Variants in CLN6 observed in about 807,000 individuals in gnomAD.
CLN6 encodes the protein CLN6 transmembrane ER protein, also known as ceroid-lipofuscinosis neuronal protein 6.
Under a neutral mutation model 33.3 loss-of-function variants are expected in CLN6, and 22 were observed. The observed-to-expected ratio is 0.66, with a 90% CI of 0.47 to 0.94. The LOEUF (loss-of-function observed/expected upper bound fraction) is 0.94, where lower values mean the gene tolerates loss of function less well. CLN6 is among the 40% of genes least tolerant of loss of function. The pLI is 0.00. For missense variants in CLN6, 387 were observed against 417.1 expected (o/e 0.93, Z 0.63); for synonymous variants, 201 against 174.6 (o/e 1.15, Z -1.19).
chr15:68,234,116 T>C (rs1286600725), upstream of CLN6, among the ~76,000 whole-genome samples: 1 of 152,180 alleles, frequency 6.6e-6, no homozygotes, highest in African/African-American at 2.4e-5. The surrounding 1 kb of genome is among the most constrained non-coding windows in gnomAD (Gnocchi z 4.1). Flanking sequence ...CCTCAGGAAC[T>C]GAGAATGGTG....
intron 2 of CLN6, chr15:68,218,171 G>GT (rs1314006962): frequency 1.5e-5 from 4 of 273,016 alleles, no homozygotes; most frequent in African/African-American, 8.7e-5. Flanking sequence ...GGAGACGGAG[G>GT]TGGGGGTGCG....
upstream of CLN6, chr15:68,229,814 T>G: frequency 1.1e-5 from 2 of 174,188 alleles, no homozygotes; most frequent in Non-Finnish European, 2.1e-5. Context: ...CGGGCTCCGC[T>G]AGGGGAGGGC....
Position 68,211,878 on chromosome 15 carries a change from G to A in CLN6, c.298-15C>T, listed in dbSNP as rs368661456. 322 of 1,612,266 alleles carry A rather than the reference G, an allele frequency of 2.0e-4. No homozygotes were observed. The highest frequency in any genetic ancestry group is 2.6e-4 in the Non-Finnish European group (306 of 1,179,620). On this transcript the variant is annotated splice_polypyrimidine_tract_variant and intron_variant, in intron 3 of 6. Transcript: ENST00000249806. The surrounding 1 kb of genome is among the most constrained non-coding windows in gnomAD (Gnocchi z 5.9). The stretch of plus-strand genomic sequence containing the variant: ...CGCTCGATGAGCTGGGGTTCAGAGT[G>A]GGGTTGGCAGCATGACCCCACCTCT...
chr15:68,240,965 CAGA>C (rs1333784937), intron 1 of CLN6, among the ~76,000 whole-genome samples: 17 of 137,458 alleles, frequency 1.2e-4, no homozygotes, highest in African/African-American at 4.7e-4. Flanking sequence ...GCCTGGGCGA[CAGA>C]AGGAGCCTCC....
chr15:68,208,050 C>T lies in CLN6; in HGVS notation c.*90G>A, dbSNP rs1447999842. The T allele has an allele frequency of 2.8e-6, 4 of 1,428,894 alleles. No homozygotes were observed. The highest frequency in any genetic ancestry group is 1.4e-5 in the African/African-American group (1 of 70,534). The allele number at this position is 1,428,894 out of a possible 1,614,324, so 88.5% of individuals were successfully genotyped here. ...CACTCATGCTCTCGGTCTCTGGTTACACACCCACACCCCCCCTACTCCTGT... is the reference window on the plus strand; with the variant it reads ...CACTCATGCTCTCGGTCTCTGGTTATACACCCACACCCCCCCTACTCCTGT... On this transcript the variant is annotated 3_prime_UTR_variant, in exon 7 of 7. Coordinates refer to ENST00000249806, the MANE Select transcript of CLN6 (RefSeq NM_017882.3). This position sits in a 1 kb window ranked among gnomAD's most constrained non-coding sequence, Gnocchi z 5.8.
Position 68,256,951 on chromosome 15 carries a change from G to C in CLN6, c.-83C>G. On this transcript the variant is annotated 5_prime_UTR_variant, in exon 1 of 7. Transcript: ENST00000538696. The surrounding 1 kb of genome is among the most constrained non-coding windows in gnomAD (Gnocchi z 4.1). ...ACCGCGTCGTGGGGCAGGGTGTAGT[G>C]ATGGTCACGCATCCCTTCCCTGGGC... 1 of 598,558 alleles carries C rather than the reference G, an allele frequency of 1.7e-6. No individual in the cohort carries two copies. Among genetic ancestry groups the C allele is most frequent in the South Asian group, 1.9e-5 (1 of 51,336 alleles). The allele number at this position is 598,558 out of a possible 1,614,324, so 37.1% of individuals were successfully genotyped here. A position where few individuals can be genotyped will look rare whatever the true frequency, so the allele number is the denominator to read the frequency against.
At chr15:68,249,920 G>A (rs1178990638) in intron 1 of CLN6, among the ~76,000 whole-genome samples, 3 of 152,038 alleles carry the variant, frequency 2.0e-5, no homozygotes, top group Non-Finnish European at 4.4e-5. Flanking sequence ...TTACAGGTGC[G>A]AACCATCAGG....
chr15:68,213,855 G>T, intron 3 of CLN6: 1 of 226,478 alleles, frequency 4.4e-6, no homozygotes, highest in Non-Finnish European at 8.9e-6. Flanking sequence ...CTCCAGGGCA[G>T]AGGATGGAGT....
chr15:68,208,480 T>C lies in CLN6; in HGVS notation c.666-70A>G. On this transcript the variant is annotated intron_variant, in intron 6 of 6. Transcript: ENST00000249806. This position sits in a 1 kb window ranked among gnomAD's most constrained non-coding sequence, Gnocchi z 5.8. ...GTCCTGCCTGGCATCCCTTCCTGTGTGCGAGAGCCAGGCTGCCCTCCAGGC... is the reference window on the plus strand; with the variant it reads ...GTCCTGCCTGGCATCCCTTCCTGTGCGCGAGAGCCAGGCTGCCCTCCAGGC... The C allele has an allele frequency of 6.3e-7, 1 of 1,578,328 alleles. No individual in the cohort carries two copies. The highest frequency in any genetic ancestry group is 1.1e-5 in the South Asian group (1 of 88,728).
In CLN6 at chr15:68,228,759, T is replaced by G. The variant is rs987867637; in HGVS notation, c.83+743A>C. Among the ~76,000 whole-genome samples the G allele has an allele frequency of 6.6e-6, 1 of 152,108 alleles. No individual in the cohort carries two copies. The highest frequency in any genetic ancestry group is 1.5e-5 in the Non-Finnish European group (1 of 68,020). ...GTCTCTCCTGATCCCTACAGGACCG[T>G]AAGCCTCTCCCACCTTCACCCTGCC... On this transcript the variant is annotated intron_variant, in intron 1 of 6. Coordinates refer to ENST00000249806, the MANE Select transcript of CLN6 (RefSeq NM_017882.3). This position sits in a 1 kb window ranked among gnomAD's most constrained non-coding sequence, Gnocchi z 4.4.
rs1567107563 is a variant in CLN6 at position 68,256,334 on chromosome 15, C to G, written c.179+356G>C. ...ATGTTGGCCAGGCTGGTTGAGAACT[C>G]CTGACCTCAAGTGATCCGCCTGCCT... On this transcript the variant is annotated intron_variant, in intron 1 of 6. Transcript: ENST00000538696. The surrounding 1 kb of genome is among the most constrained non-coding windows in gnomAD (Gnocchi z 4.1). Among the ~76,000 whole-genome samples the G allele has an allele frequency of 6.6e-6, 1 of 151,718 alleles. No homozygotes were observed. The highest frequency in any genetic ancestry group is 1.5e-5 in the Non-Finnish European group (1 of 67,904).
At chr15:68,212,879 T>C (rs2093210142) in intron 3 of CLN6, 1 of 152,218 alleles carries the variant, frequency 6.6e-6, no homozygotes, top group Non-Finnish European at 1.5e-5. Flanking sequence ...ACATTTTAAA[T>C]AATTTTGTAC....
intron 1 of CLN6, among the ~76,000 whole-genome samples, chr15:68,249,801 C>T (rs751299012): frequency 1.5e-4 from 23 of 152,088 alleles, no homozygotes; most frequent in Non-Finnish European, 2.5e-4. Context: ...TGTGACGGAG[C>T]CTCACTCTGT....
In CLN6 at chr15:68,208,094, G is replaced by GGCCCCCCCCCCCC; in HGVS notation, c.*45_*46insGGGGGGGGGGGGC. ...CTCCTGTATTCAGATGCCCTCCATG[G>GGCCCCCCCCCCCC]CCCACCCTCCCACCCAGCAGAGCGC... is the stretch of plus-strand genomic sequence containing the variant. On this transcript the variant is annotated 3_prime_UTR_variant, in exon 7 of 7. Transcript: ENST00000249806. The surrounding 1 kb of genome is among the most constrained non-coding windows in gnomAD (Gnocchi z 5.8). 1.2e-5 allele frequency: 16 copies of GGCCCCCCCCCCCC among 1,375,270 alleles called. No individual in the cohort carries two copies. Among genetic ancestry groups the GGCCCCCCCCCCCC allele is most frequent in the Non-Finnish European group, 1.5e-5 (15 of 992,016 alleles). The allele number at this position is 1,375,270 out of a possible 1,614,324, so 85.2% of individuals were successfully genotyped here. A position where few individuals can be genotyped will look rare whatever the true frequency, so the allele number is the denominator to read the frequency against.
chr15:68,244,134 AAATAAT>A (rs756732846), intron 1 of CLN6, among the ~76,000 whole-genome samples: 1 of 151,812 alleles, frequency 6.6e-6, no homozygotes, highest in Non-Finnish European at 1.5e-5. Context: ...CACTAATGCA[AAATAAT>A]AATAATAATA....
chr15:68,231,044 T>C (rs778317616), upstream of CLN6, among the ~76,000 whole-genome samples: 7 of 152,252 alleles, frequency 4.6e-5, no homozygotes, highest in East Asian at 1.9e-4. Flanking sequence ...CTTGGTCTGC[T>C]TCCCAGACCA....
In CLN6 at chr15:68,208,390, T is replaced by C. The variant is rs886186202; in HGVS notation, c.686A>G (p.Gln229Arg). 6.2e-7 allele frequency: 1 copy of C among 1,612,972 alleles called. No homozygotes were observed. The highest frequency in any genetic ancestry group is 8.5e-7 in the Non-Finnish European group (1 of 1,180,024). Reference protein sequence around the residue: ...LYYWYLVTEGQIFILFIFTFF... With the variant: ...LYYWYLVTEGRIFILFIFTFF... ...GGTGAAGATGAAGAGGATGAAGATC[T>C]GGCCCTCGGTGACCAGGTACCTGGA... Residue 229 changes from glutamine to arginine, a missense_variant, in exon 7 of 7, where the codon CAG becomes CGG. By Grantham distance (43) the Gln-to-Arg change is conservative. Transcript: ENST00000249806. The surrounding 1 kb of genome is among the most constrained non-coding windows in gnomAD (Gnocchi z 5.8).
At position 68,246,962 on chromosome 15, in the gene CLN6, C is replaced by A. The variant is rs1259421526; in HGVS notation, c.179+9728G>T. Among the ~76,000 whole-genome samples, 3 of 152,000 alleles carry A rather than the reference C, an allele frequency of 2.0e-5. No individual in the cohort carries two copies. The highest frequency in any genetic ancestry group is 3.2e-3 in the Middle Eastern group (1 of 316). ...CTTTAGGTCAGGAGTTCGAGACCAGCCTGGCCAACATATTAAAACCCTGTC... is the reference window on the plus strand; with the variant it reads ...CTTTAGGTCAGGAGTTCGAGACCAGACTGGCCAACATATTAAAACCCTGTC... On this transcript the variant is annotated intron_variant, in intron 1 of 6. Coordinates refer to the CLN6 transcript ENST00000538696. The surrounding 1 kb of genome is among the most constrained non-coding windows in gnomAD (Gnocchi z 4.5).
intron 1 of CLN6, among the ~76,000 whole-genome samples, chr15:68,249,327 A>AT (rs1232544945): frequency 2.0e-5 from 3 of 152,284 alleles, no homozygotes; most frequent in Non-Finnish European, 4.4e-5. Context: ...CTGGGTATAT[A>AT]TCCAAAAGAG....
Sources: allele counts gnomAD v4.1 joint callset (sites outside exome capture counted in the v4.1 genomes callset), GRCh38; gene constraint gnomAD v4.1.1; non-coding constraint Gnocchi (gnomAD v3.1); transcripts MANE v1.5; gene names NCBI Gene and HGNC (gene_info 2026-07-23, HGNC 2026-07-21).